PCDHGA3: variants seen among roughly 807,000 people sequenced by gnomAD.
The protein encoded by PCDHGA3 is protocadherin gamma-A3.
PCDHGA3 carries 40 observed loss-of-function variants against 58.5 expected under a neutral mutation model. The ratio of observed to expected loss-of-function variants is 0.68; its 90% confidence interval spans 0.53 to 0.89. The LOEUF is 0.89. PCDHGA3 is among the 40% of genes least tolerant of loss of function. The pLI, the probability that PCDHGA3 is intolerant of heterozygous loss-of-function variation, is 0.00. For synonymous variants in PCDHGA3, 530 were observed against 525.7 expected, an observed-to-expected ratio of 1.01 and a Z score of -0.11; for missense variants, 1,223 against 1,195.9, an observed-to-expected ratio of 1.02 and a Z score of -0.33.
Position 141,374,926 on chromosome 5 carries a change from T to G in PCDHGA3, c.2424+28469T>G. ...TCCACGGGGAAGTAACTTATTCCTT[T>G]GTGAAGATTACAGAAAAGATCTCAC... is the stretch of plus-strand genomic sequence containing the variant. On this transcript the variant is annotated intron_variant, in intron 1 of 3. Coordinates refer to ENST00000253812, the MANE Select transcript of PCDHGA3 (RefSeq NM_018916.4). The G allele has an allele frequency of 3.1e-6, 5 of 1,613,970 alleles. No individual in the cohort carries two copies. In the South Asian group the frequency reaches 5.5e-5, roughly 18 times the overall value.
In PCDHGA3 at chr5:141,491,341, G is replaced by C. The variant is rs775712620; in HGVS notation, c.2425-3466G>C. ...TTACCTCATTGTGGCTCTAGCGACC[G>C]TCAGTCTCTTATCCCTAGTCACCTT... On this transcript the variant is annotated intron_variant, in intron 1 of 3. Transcript: ENST00000253812. This position sits in a 1 kb window ranked among gnomAD's most constrained non-coding sequence, Gnocchi z 6.9. 10 of 1,614,100 alleles carry C rather than the reference G, an allele frequency of 6.2e-6. No homozygotes were observed. In the East Asian group the frequency reaches 8.9e-5, roughly 14 times the overall value.
intron 1 of PCDHGA3, among the ~76,000 whole-genome samples, chr5:141,353,919 G>A (rs1759417280): frequency 6.6e-6 from 1 of 152,196 alleles, no homozygotes; most frequent in Non-Finnish European, 1.5e-5. Flanking sequence ...CCTTTTGTAT[G>A]AGTCATTTCT....
Position 141,389,832 on chromosome 5 carries a change from C to T in PCDHGA3, c.2424+43375C>T, listed in dbSNP as rs758113562. ...GGTCGCCGTGCGTGACGGTGGACAG[C>T]CACCACTCTCGGCCACTGCCACGTT... On this transcript the variant is annotated intron_variant, in intron 1 of 3. Coordinates refer to ENST00000253812, the MANE Select transcript of PCDHGA3 (RefSeq NM_018916.4). The T allele has an allele frequency of 2.2e-5, 36 of 1,613,848 alleles. 1 individual carries two copies. The South Asian group carries it at 3.8e-4, about 17-fold the overall frequency.
At chr5:141,381,396 T>C (rs890483811) in intron 1 of PCDHGA3, among the ~76,000 whole-genome samples, 2 of 152,262 alleles carry the variant, frequency 1.3e-5, no homozygotes, top group African/African-American at 4.8e-5. Context: ...AGTTTTACTC[T>C]ATCAACATCA....
Position 141,485,072 on chromosome 5 carries a change from G to C in PCDHGA3, c.2425-9735G>C. 1.1e-6 allele frequency: 1 copy of C among 917,012 alleles called. No individual in the cohort carries two copies. The highest frequency in any genetic ancestry group is 1.7e-6 in the Non-Finnish European group (1 of 587,880). 56.8% of individuals were successfully genotyped at this position (917,012 alleles called of 1,614,324 possible). On this transcript the variant is annotated intron_variant, in intron 1 of 3. Coordinates refer to ENST00000253812, the MANE Select transcript of PCDHGA3 (RefSeq NM_018916.4). The surrounding 1 kb of genome is among the most constrained non-coding windows in gnomAD (Gnocchi z 5.7). ...CCGGCCGAACCGCGCCAGAGCTGGCGCGGGGAAAGGGAGATAGGTGTCTCC... is the reference window on the plus strand; with the variant it reads ...CCGGCCGAACCGCGCCAGAGCTGGCCCGGGGAAAGGGAGATAGGTGTCTCC...
intron 1 of PCDHGA3, chr5:141,389,301 A>T: frequency 6.2e-7 from 1 of 1,614,008 alleles, no homozygotes; most frequent in Non-Finnish European, 8.5e-7. Context: ...TTCACAAGTC[A>T]GGGCTTCTGA....
intron 1 of PCDHGA3, chr5:141,414,815 G>T (rs1437985019): frequency 2.2e-5 from 35 of 1,614,236 alleles, no homozygotes; most frequent in Non-Finnish European, 2.9e-5. Flanking sequence ...CCTCCACTCA[G>T]CAGCAACGTG....
intron 1 of PCDHGA3, chr5:141,385,861 G>A (rs561611576): frequency 8.5e-5 from 13 of 153,290 alleles, no homozygotes; most frequent in African/African-American, 2.6e-4. Flanking sequence ...GGTGGTAGTA[G>A]AAGGTTGGAT....
chr5:141,352,112 C>G (rs1037474296), intron 1 of PCDHGA3: 5 of 1,607,318 alleles, frequency 3.1e-6, no homozygotes, highest in Non-Finnish European at 4.2e-6. Flanking sequence ...CCTGGGGTTG[C>G]GCACGGGTGA....
chr5:141,345,650 C>A lies in PCDHGA3; in HGVS notation c.1617C>A (p.Asn539Lys). ...KLLVTASDSG[N>K]PPLSSNVSLN... is the part of the protein sequence containing the mutation. ...TGGTGACAGCCAGCGACAGCGGGAA[C>A]CCTCCACTCAGCAGCAACGTGTCGC... is the stretch of plus-strand genomic sequence containing the variant. Residue 539 changes from asparagine (N) to lysine (K), a missense_variant, in exon 1 of 4, where the codon AAC becomes AAA. Around this residue, in one of 3 missense-constraint regions of PCDHGA3, gnomAD observed 791 missense variants for 708.5 expected, o/e 1.12. Transcript: ENST00000253812. 6.2e-7 allele frequency: 1 copy of A among 1,614,220 alleles called. No homozygotes were observed. The highest frequency in any genetic ancestry group is 8.5e-7 in the Non-Finnish European group (1 of 1,180,038).
chr5:141,435,614 C>A, intron 1 of PCDHGA3, among the ~76,000 whole-genome samples: 1 of 152,056 alleles, frequency 6.6e-6, no homozygotes, highest in East Asian at 1.9e-4. Flanking sequence ...ACATTAAATT[C>A]CCCATAACTT....
intron 1 of PCDHGA3, chr5:141,392,821 C>G: frequency 6.3e-7 from 1 of 1,594,632 alleles, no homozygotes; most frequent in Non-Finnish European, 8.5e-7. Context: ...ACAATGGCCG[C>G]TCCACAGAGT....
At position 141,431,192 on chromosome 5, in the gene PCDHGA3, A is replaced by T. The variant is rs769745353; in HGVS notation, c.2425-63615A>T. 8.7e-6 allele frequency: 14 copies of T among 1,614,042 alleles called. No homozygotes were observed. Among genetic ancestry groups the T allele is most frequent in the African/African-American group, 2.7e-5 (2 of 74,912 alleles). On this transcript the variant is annotated intron_variant, in intron 1 of 3. Coordinates refer to ENST00000253812, the MANE Select transcript of PCDHGA3 (RefSeq NM_018916.4). This position sits in a 1 kb window ranked among gnomAD's most constrained non-coding sequence, Gnocchi z 4.8. ...TGAATTAGAAATAAAAATTAGTGAA[A>T]ATGCAGCCACTGAGATGCGGTTCCC...
intron 1 of PCDHGA3, chr5:141,398,707 C>G (rs1257471989): frequency 6.8e-6 from 11 of 1,613,742 alleles, no homozygotes; most frequent in African/African-American, 1.3e-5. Context: ...ATACCCGGAA[C>G]TGGCACTGGA....
At chr5:141,463,265 A>G (rs2099055701) in intron 1 of PCDHGA3, among the ~76,000 whole-genome samples, 1 of 151,998 alleles carries the variant, frequency 6.6e-6, no homozygotes, top group African/African-American at 2.4e-5. Flanking sequence ...ACTCTATCCC[A>G]TAAATTCTGG....
chr5:141,476,158 G>A lies in PCDHGA3; in HGVS notation c.2425-18649G>A. 2 of 1,612,868 alleles carry A rather than the reference G, an allele frequency of 1.2e-6. No homozygotes were observed. Among genetic ancestry groups the A allele is most frequent in the Non-Finnish European group, 1.7e-6 (2 of 1,179,894 alleles). On this transcript the variant is annotated intron_variant, in intron 1 of 3. Transcript: ENST00000253812. The surrounding 1 kb of genome is among the most constrained non-coding windows in gnomAD (Gnocchi z 7.6). ...GGAGGAGCGGACTGGTAAGCACCGGGAGGGTAGTGGGAGTTTTGCTTCTGC... is the reference window on the plus strand; with the variant it reads ...GGAGGAGCGGACTGGTAAGCACCGGAAGGGTAGTGGGAGTTTTGCTTCTGC...
chr5:141,387,661 G>C (rs2091032284), intron 1 of PCDHGA3: 2 of 656,114 alleles, frequency 3.0e-6, no homozygotes, highest in East Asian at 5.7e-5. Context: ...AGAGCTTGGC[G>C]CTCCAGATCT....
At position 141,356,576 on chromosome 5, in the gene PCDHGA3, C is replaced by T. The variant is rs747539104; in HGVS notation, c.2424+10119C>T. ...ACTTTCCCTCATGCTTCCTACTCTGCTTACATTCCTGAAAACAACCCCAGA... is the reference window on the plus strand; with the variant it reads ...ACTTTCCCTCATGCTTCCTACTCTGTTTACATTCCTGAAAACAACCCCAGA... On this transcript the variant is annotated intron_variant, in intron 1 of 3. Coordinates refer to ENST00000253812, the MANE Select transcript of PCDHGA3 (RefSeq NM_018916.4). 12 of 1,614,050 alleles carry T rather than the reference C, an allele frequency of 7.4e-6. No individual in the cohort carries two copies. In the Admixed American group the frequency reaches 1.8e-4, roughly 25 times the overall value.
At chr5:141,468,160 G>C (rs2099158881) in intron 1 of PCDHGA3, among the ~76,000 whole-genome samples, 1 of 151,468 alleles carries the variant, frequency 6.6e-6, no homozygotes, top group African/African-American at 2.4e-5. Context: ...CCCTGTCTCT[G>C]CTAAAAATAG....
Sources: allele counts gnomAD v4.1 joint callset (sites outside exome capture counted in the v4.1 genomes callset), GRCh38; gene constraint gnomAD v4.1.1; regional missense constraint gnomAD v4.1.1; non-coding constraint Gnocchi (gnomAD v3.1); transcripts MANE v1.5; gene names NCBI Gene and HGNC (gene_info 2026-07-23, HGNC 2026-07-21).